The following DSCAM variants were observed in gnomAD, a reference collection of about 807,000 sequenced individuals.
The protein encoded by DSCAM is DS cell adhesion molecule.
DSCAM carries 47 observed loss-of-function variants against 217.7 expected under a neutral mutation model. The ratio of observed to expected loss-of-function variants is 0.22; its 90% CI spans 0.17 to 0.28. DSCAM has a LOEUF of 0.28. DSCAM is among the 10% of genes least tolerant of loss of function. DSCAM has a pLI of 1.00. For synonymous variants in DSCAM, 1,056 were observed against 1,015.3 expected (o/e 1.04, Z -0.76); for missense variants, 2,080 against 2,618.3 (o/e 0.79, Z 4.49).
chr21:40,202,990 C>A (rs1488191078), intron 11 of DSCAM, among the ~76,000 whole-genome samples: 1 of 152,160 alleles, frequency 6.6e-6, no homozygotes, highest in Non-Finnish European at 1.5e-5. Flanking sequence ...GCATTAAGTT[C>A]TCTGCTGAGA....
chr21:40,728,219 C>A (rs576813953), intron 1 of DSCAM, among the ~76,000 whole-genome samples: 1 of 152,102 alleles, frequency 6.6e-6, no homozygotes, highest in Admixed American at 6.5e-5. Flanking sequence ...AAATTTTGGT[C>A]CCTAAAAAGT....
chr21:40,085,811 C>T, intron 22 of DSCAM, 46 bp from the exon 23 acceptor site: 1 of 1,405,140 alleles, frequency 7.1e-7, no homozygotes, highest in Non-Finnish European at 9.4e-7. Context: ...AATTACAATC[C>T]AAATTAGCTG....
intron 3 of DSCAM, among the ~76,000 whole-genome samples, chr21:40,484,790 T>C (rs1160496461): frequency 6.6e-6 from 1 of 152,144 alleles, no homozygotes; most frequent in Non-Finnish European, 1.5e-5. Flanking sequence ...CAGGGAGATG[T>C]AGGATGAGGA....
At chr21:40,841,376 C>A (rs374673631) in intron 1 of DSCAM, among the ~76,000 whole-genome samples, 1 of 152,190 alleles carries the variant, frequency 6.6e-6, no homozygotes, top group African/African-American at 2.4e-5. Flanking sequence ...TTATCTTAAC[C>A]CATAGATTCG....
intron 11 of DSCAM, among the ~76,000 whole-genome samples, chr21:40,225,118 G>A (rs1024773568): frequency 5.9e-5 from 9 of 152,210 alleles, no homozygotes; most frequent in African/African-American, 2.2e-4. Context: ...GATTGGCCAG[G>A]CCAACTGCAT....
At chr21:40,563,698 A>ATG (rs1417130560) in intron 3 of DSCAM, among the ~76,000 whole-genome samples, 1 of 50,204 alleles carries the variant, frequency 2.0e-5, no homozygotes, top group South Asian at 5.6e-4. Context: ...ATATAGTTAT[A>ATG]TGTGTGTATA....
intron 3 of DSCAM, among the ~76,000 whole-genome samples, chr21:40,680,193 A>T (rs2090384457): frequency 6.6e-6 from 1 of 152,204 alleles, no homozygotes; most frequent in South Asian, 2.1e-4. Flanking sequence ...ACTCAAGGTT[A>T]CGTAACTTGG....
intron 2 of DSCAM, among the ~76,000 whole-genome samples, chr21:40,698,900 G>A (rs1012873061): frequency 1.4e-5 from 2 of 147,054 alleles, no homozygotes; most frequent in African/African-American, 2.5e-5. Flanking sequence ...AAAAAGAGTC[G>A]CTTCTGCTGT....
intron 11 of DSCAM, among the ~76,000 whole-genome samples, chr21:40,265,017 C>T (rs1264578167): frequency 6.6e-6 from 1 of 151,450 alleles, no homozygotes; most frequent in East Asian, 1.9e-4. Flanking sequence ...GGTGAAACCC[C>T]ATTTATACTG....
At chr21:40,175,543 G>A (rs67261030) in intron 15 of DSCAM, among the ~76,000 whole-genome samples, 50,704 of 151,766 alleles carry the variant, frequency 0.33, 8,598 homozygotes, top group African/African-American at 0.35. Context: ...ATGTCCTCCC[G>A]GGGCAGAAGG....
rs1601435215 is a variant in DSCAM at position 40,201,220 on chromosome 21, A to T, written c.2357-11982T>A. On this transcript the variant is annotated intron_variant, in intron 11 of 32. Coordinates refer to ENST00000400454, the MANE Select transcript of DSCAM (RefSeq NM_001389.5). ...ATGTGTCAGGGGAAAGACGAAGAAC[A>T]TTTAGGGTTCATATTACATTCACTC... Among the ~76,000 whole-genome samples, 4 of 152,192 alleles carry T rather than the reference A, an allele frequency of 2.6e-5. No individual in the cohort carries two copies. In the South Asian group the frequency reaches 8.3e-4, roughly 31 times the overall value.
At chr21:40,193,445 C>T (rs1430932350) in intron 11 of DSCAM, among the ~76,000 whole-genome samples, 3 of 152,128 alleles carry the variant, frequency 2.0e-5, no homozygotes, top group Non-Finnish European at 1.5e-5. Context: ...AATTACAGGC[C>T]TATGAACAAG....
At chr21:40,086,921 T>C (rs542183874) in intron 22 of DSCAM, among the ~76,000 whole-genome samples, 1 of 152,354 alleles carries the variant, frequency 6.6e-6, no homozygotes, top group South Asian at 2.1e-4. Flanking sequence ...TCAACTACTT[T>C]CCTTGCAAGC....
intron 3 of DSCAM, among the ~76,000 whole-genome samples, chr21:40,401,981 T>C (rs2075238011): frequency 6.6e-6 from 1 of 150,708 alleles, no homozygotes; most frequent in South Asian, 2.1e-4. Context: ...AAGTTCCCCG[T>C]GTGGTTGACA....
intron 3 of DSCAM, among the ~76,000 whole-genome samples, chr21:40,638,882 G>A (rs1601813372): frequency 6.8e-6 from 1 of 146,422 alleles, no homozygotes; most frequent in African/African-American, 2.4e-5. Flanking sequence ...ATGAATGTTG[G>A]GTATTTTTAA....
chr21:40,684,913 T>A (rs932542495), intron 3 of DSCAM, among the ~76,000 whole-genome samples: 1 of 152,196 alleles, frequency 6.6e-6, no homozygotes, highest in African/African-American at 2.4e-5. Context: ...CTGTTTCCCA[T>A]GTCTAGAAAG....
At chr21:40,461,060 A>G (rs549963297) in intron 3 of DSCAM, among the ~76,000 whole-genome samples, 2 of 152,370 alleles carry the variant, frequency 1.3e-5, no homozygotes, top group South Asian at 4.1e-4. Context: ...ATATTCATCA[A>G]TAAAGGCTAG....
At chr21:40,330,076 T>C (rs1441638572) in intron 8 of DSCAM, among the ~76,000 whole-genome samples, 1 of 151,962 alleles carries the variant, frequency 6.6e-6, no homozygotes, top group Non-Finnish European at 1.5e-5. Flanking sequence ...TTTGATCAGA[T>C]TTAGTCATTC....
In DSCAM at chr21:40,749,003, C is replaced by T. The variant is rs140807113; in HGVS notation, c.44-40232G>A. On this transcript the variant is annotated intron_variant, in intron 1 of 32. Coordinates refer to ENST00000400454, the MANE Select transcript of DSCAM (RefSeq NM_001389.5). ...GGGAAAGGACAGTATCCTCAATAAA[C>T]GGTCCTCGGAAACTGGATATCCACA... Among the ~76,000 whole-genome samples, 1,041 of 152,146 alleles carry T rather than the reference C, an allele frequency of 6.8e-3. 14 individuals carry two copies. The highest frequency in any genetic ancestry group is 0.024 in the African/African-American group (992 of 41,514).
Sources: gnomAD v4.1 joint callset for allele counts (sites outside exome capture counted in the v4.1 genomes callset) on GRCh38, gnomAD v4.1.1 for gene constraint, MANE v1.5 for transcripts, NCBI Gene and HGNC (gene_info 2026-07-23, HGNC 2026-07-21) for gene names.